The following NAV3 variants were observed in gnomAD, a reference collection of about 807,000 sequenced individuals.
NAV3 encodes the protein pore membrane and/or filament interacting like protein 1.
Under a neutral mutation model 244.7 loss-of-function variants are expected in NAV3, and 87 were observed. The observed-to-expected ratio is 0.36, with a 90% CI of 0.30 to 0.42. The LOEUF (loss-of-function observed/expected upper bound fraction) is 0.42, where lower values mean the gene tolerates loss of function less well. Among genes scored for constraint, NAV3 ranks in the 20% least tolerant of loss-of-function variants. NAV3 has a pLI of 1.00. For missense variants in NAV3, 2,663 were observed against 2,893.3 expected (o/e 0.92, Z 1.83); for synonymous variants, 1,126 against 1,042.2 (o/e 1.08, Z -1.55).
chr12:77,917,472 C>A (rs1437939385), intron 1 of NAV3, among the ~76,000 whole-genome samples: 1 of 151,876 alleles, frequency 6.6e-6, no homozygotes, highest in East Asian at 1.9e-4. Context: ...CAGTTTTGTT[C>A]AATTATTTAT....
chr12:77,686,736 G>A (rs1020449688), intron 2 of NAV3, among the ~76,000 whole-genome samples: 2 of 152,046 alleles, frequency 1.3e-5, no homozygotes, highest in African/African-American at 4.8e-5. Context: ...GAAGCCACGA[G>A]TTTACCTAGG....
chr12:77,734,448 A>G (rs553581292), intron 2 of NAV3, among the ~76,000 whole-genome samples: 1 of 152,222 alleles, frequency 6.6e-6, no homozygotes. Context: ...AGCTCAAACT[A>G]TACATGATTA....
chr12:78,076,053 C>G (rs1375690881), intron 12 of NAV3, among the ~76,000 whole-genome samples: 2 of 152,306 alleles, frequency 1.3e-5, no homozygotes, highest in Non-Finnish European at 2.9e-5. Context: ...TCCCAATGCA[C>G]TTTTTCTCTA....
chr12:77,719,402 GT>G (rs978998896), intron 2 of NAV3, among the ~76,000 whole-genome samples: 6,805 of 142,728 alleles, frequency 0.048, 298 homozygotes, highest in African/African-American at 0.13. Context: ...ATCTTTCAGA[GT>G]TTTTTTTTTT....
chr12:78,048,916 C>T (rs1882292433), intron 9 of NAV3, among the ~76,000 whole-genome samples: 1 of 152,162 alleles, frequency 6.6e-6, no homozygotes. Flanking sequence ...TATGCCCCGC[C>T]CAGAGAGGAG....
intron 1 of NAV3, among the ~76,000 whole-genome samples, chr12:77,937,611 G>A (rs1214313252): frequency 2.6e-5 from 4 of 152,138 alleles, no homozygotes; most frequent in Non-Finnish European, 5.9e-5. Flanking sequence ...GAATATGACA[G>A]CCTTAATCTG....
At chr12:78,154,847 T>C (rs1033802834) in intron 22 of NAV3, among the ~76,000 whole-genome samples, 1 of 152,060 alleles carries the variant, frequency 6.6e-6, no homozygotes. Context: ...TTACTTTCCA[T>C]TTTCTCTTCA....
chr12:77,754,934 A>G (rs1465512920), intron 2 of NAV3, among the ~76,000 whole-genome samples: 1 of 152,224 alleles, frequency 6.6e-6, no homozygotes, highest in South Asian at 2.1e-4. Flanking sequence ...AAATAAACTT[A>G]TAATTGCTGG....
chr12:77,976,243 T>A (rs569509824), intron 5 of NAV3, among the ~76,000 whole-genome samples: 1 of 152,212 alleles, frequency 6.6e-6, no homozygotes, highest in Non-Finnish European at 1.5e-5. Flanking sequence ...GCCATTGGAA[T>A]TGCAAAACTG....
At chr12:77,942,240 C>T (rs1302787415) in intron 3 of NAV3, among the ~76,000 whole-genome samples, 4 of 151,884 alleles carry the variant, frequency 2.6e-5, no homozygotes, top group East Asian at 3.9e-4. Context: ...GGTGTGGTGG[C>T]GCATGCCTAT....
intron 2 of NAV3, among the ~76,000 whole-genome samples, chr12:77,749,755 C>A (rs571013636): frequency 6.6e-6 from 1 of 152,186 alleles, no homozygotes; most frequent in South Asian, 2.1e-4. Context: ...ATATTTAGAC[C>A]ACATCCAGCA....
rs144604085 is a variant in NAV3, at chr12:78,017,165, G to A, written c.1908-4582G>A. 9.5e-4 allele frequency among the ~76,000 whole-genome samples: 144 copies of A among 152,220 alleles called. 1 individual carries two copies. The highest frequency in any genetic ancestry group is 1.4e-3 in the Non-Finnish European group (94 of 67,998). On this transcript the variant is annotated intron_variant, in intron 8 of 39. Coordinates refer to ENST00000397909, the MANE Select transcript of NAV3 (RefSeq NM_001024383.2). ...AGATTATTGTGAATTTTGAGTGATA[G>A]GCTCTAGGAAAATACTAAGCACCAC... is the stretch of plus-strand genomic sequence containing the variant.
chr12:77,630,761 A>G (rs185396276), intron 2 of NAV3, among the ~76,000 whole-genome samples: 7 of 152,142 alleles, frequency 4.6e-5, no homozygotes, highest in Non-Finnish European at 5.9e-5. Context: ...CAAATCTTTT[A>G]TTGCTTTATT....
intron 9 of NAV3, among the ~76,000 whole-genome samples, chr12:78,024,791 C>T (rs28648079): frequency 0.064 from 9,674 of 152,048 alleles, 988 homozygotes; most frequent in African/African-American, 0.22. Context: ...TCCTGGCTAA[C>T]GGTGAGATGC....
Position 78,181,048 on chromosome 12 carries a change from G to T in NAV3, c.5692+3G>T. ...CATCACAGAGGCTGTTAGCTCAGGT[G>T]ATTTAGTGCACATGCTTGCCTGAAT... On this transcript the variant is annotated splice_donor_region_variant and intron_variant, in intron 30 of 39. Coordinates refer to ENST00000397909, the MANE Select transcript of NAV3 (RefSeq NM_001024383.2). 1 of 1,612,548 alleles carries T rather than the reference G, an allele frequency of 6.2e-7. No homozygotes were observed. Among genetic ancestry groups the T allele is most frequent in the Non-Finnish European group, 8.5e-7 (1 of 1,179,012 alleles).
chr12:78,151,357 T>C (rs1410423699), intron 22 of NAV3, among the ~76,000 whole-genome samples: 1 of 152,072 alleles, frequency 6.6e-6, no homozygotes, highest in Non-Finnish European at 1.5e-5. Flanking sequence ...TATTTTTTAA[T>C]AGCCAAAGAA....
intron 18 of NAV3, among the ~76,000 whole-genome samples, chr12:78,135,989 T>C (rs1480787689): frequency 6.6e-6 from 1 of 152,220 alleles, no homozygotes. Context: ...TGTGTGTTAA[T>C]TCGGTTAATA....
intron 8 of NAV3, among the ~76,000 whole-genome samples, chr12:78,016,540 CTTG>C (rs1265065027): frequency 1.3e-5 from 2 of 152,186 alleles, no homozygotes; most frequent in African/African-American, 4.8e-5. Context: ...GTTTCCTGGC[CTTG>C]GCCCTGTCTG....
chr12:77,761,189 G>T (rs1364350805), intron 2 of NAV3, among the ~76,000 whole-genome samples: 2 of 152,136 alleles, frequency 1.3e-5, no homozygotes, highest in Non-Finnish European at 2.9e-5. Context: ...CTCCCGAGTA[G>T]CTGGGATTCC....
Sources: allele counts gnomAD v4.1 joint callset (sites outside exome capture counted in the v4.1 genomes callset), GRCh38; gene constraint gnomAD v4.1.1; transcripts MANE v1.5; gene names NCBI Gene and HGNC (gene_info 2026-07-23, HGNC 2026-07-21).